The following DPYSL3 variants were observed in gnomAD, a reference collection of about 807,000 sequenced individuals.
DPYSL3 encodes the protein dihydropyrimidinase-related protein 3.
In DPYSL3, 16 loss-of-function variants were observed where a neutral mutation model predicts 66.1. The ratio of observed to expected loss-of-function variants is 0.24; its 90% confidence interval spans 0.16 to 0.37. DPYSL3 has a LOEUF of 0.37. Among genes scored for constraint, DPYSL3 ranks in the 10% least tolerant of loss-of-function variants. DPYSL3 has a pLI of 1.00. For missense variants in DPYSL3, 738 were observed against 916.2 expected, an observed-to-expected ratio of 0.81 and a Z score of 2.51; for synonymous variants, 338 against 345.1, an observed-to-expected ratio of 0.98 and a Z score of 0.23.
At chr5:147,421,249 A>T (rs1752071284) in intron 2 of DPYSL3, among the ~76,000 whole-genome samples, 1 of 152,192 alleles carries the variant, frequency 6.6e-6, no homozygotes, top group Non-Finnish European at 1.5e-5. Context: ...AATCATGAGC[A>T]AACTCCCATT....
chr5:147,501,031 G>A (rs1002797689), intron 1 of DPYSL3, among the ~76,000 whole-genome samples: 4 of 152,140 alleles, frequency 2.6e-5, no homozygotes, highest in Non-Finnish European at 5.9e-5. Flanking sequence ...AATGTTTATA[G>A]CAGCTTTATT....
intron 1 of DPYSL3, among the ~76,000 whole-genome samples, chr5:147,502,571 C>CTT (rs71001435): frequency 0.016 from 1,489 of 95,152 alleles, 8 homozygotes; most frequent in East Asian, 0.032. Context: ...CTTAATAATG[C>CTT]TTTTTTTTTT....
intron 1 of DPYSL3, among the ~76,000 whole-genome samples, chr5:147,460,439 G>A (rs1031192504): frequency 6.6e-6 from 1 of 152,192 alleles, no homozygotes; most frequent in Non-Finnish European, 1.5e-5. Flanking sequence ...AAAGGTCCAT[G>A]TCCTAATCCC....
intron 4 of DPYSL3, 44 bp downstream of exon 4, chr5:147,415,665 A>G (rs2152021627): frequency 1.9e-6 from 3 of 1,596,160 alleles, no homozygotes; most frequent in East Asian, 2.2e-5. Context: ...AGGACTGGCA[A>G]GAAGAAGCTA....
chr5:147,468,240 C>G (rs1259105703), intron 1 of DPYSL3, among the ~76,000 whole-genome samples: 1 of 152,106 alleles, frequency 6.6e-6, no homozygotes, highest in East Asian at 1.9e-4. Flanking sequence ...ACTCACTCAG[C>G]CTTAATTAAA....
At position 147,392,244 on chromosome 5, in the gene DPYSL3, G is replaced by C. The variant is rs1225113125; in HGVS notation, c.*1791C>G. 6.6e-6 allele frequency: 1 copy of C among 152,178 alleles called. No homozygotes were observed. The highest frequency in any genetic ancestry group is 1.5e-5 in the Non-Finnish European group (1 of 68,026). 9.4% of individuals were successfully genotyped at this position (152,178 alleles called of 1,614,324 possible). A position where few individuals can be genotyped will look rare whatever the true frequency, so the allele number is the denominator to read the frequency against. On this transcript the variant is annotated 3_prime_UTR_variant, in exon 14 of 14. Coordinates refer to ENST00000343218, the MANE Select transcript of DPYSL3 (RefSeq NM_001197294.2). ...CCCTTAAAAGAAAAGCACTACAAGA[G>C]CTTTAAAATAGCAAGCTTCCCTATT...
chr5:147,458,087 A>G (rs920628508), intron 1 of DPYSL3, among the ~76,000 whole-genome samples: 2 of 152,188 alleles, frequency 1.3e-5, no homozygotes, highest in East Asian at 3.9e-4. Context: ...AGGCGTGTTA[A>G]CCAGAGCAAC....
chr5:147,434,467 CT>C (rs1403705184), intron 1 of DPYSL3, among the ~76,000 whole-genome samples: 1 of 152,194 alleles, frequency 6.6e-6, no homozygotes, highest in Admixed American at 6.5e-5. Flanking sequence ...GCCCCTGGGC[CT>C]GTGCAAAAGC....
At chr5:147,500,332 G>C (rs990370566) in intron 1 of DPYSL3, among the ~76,000 whole-genome samples, 1 of 152,054 alleles carries the variant, frequency 6.6e-6, no homozygotes, top group Non-Finnish European at 1.5e-5. Flanking sequence ...CAATGATAAC[G>C]GCCAGGTGCG....
chr5:147,412,413 T>C (rs900221428), intron 6 of DPYSL3, among the ~76,000 whole-genome samples, 195 bp downstream of exon 6: 1 of 152,142 alleles, frequency 6.6e-6, no homozygotes, highest in Non-Finnish European at 1.5e-5. Context: ...CCTCATCTTC[T>C]AGTTTCATTG....
At chr5:147,437,989 T>G (rs1752444845) in intron 1 of DPYSL3, among the ~76,000 whole-genome samples, 1 of 152,212 alleles carries the variant, frequency 6.6e-6, no homozygotes, top group Admixed American at 6.5e-5. Flanking sequence ...TTTTCATTTC[T>G]TTTTAGGTTG....
chr5:147,446,939 T>C (rs910714418), intron 1 of DPYSL3, among the ~76,000 whole-genome samples: 2 of 151,684 alleles, frequency 1.3e-5, no homozygotes, highest in African/African-American at 4.8e-5. Flanking sequence ...CGGGAGGAGG[T>C]AGTCACCTGT....
intron 1 of DPYSL3, among the ~76,000 whole-genome samples, chr5:147,430,509 CAAAAAAAAAAA>C (rs555965885): frequency 1.0e-4 from 4 of 39,886 alleles, no homozygotes; most frequent in Non-Finnish European, 2.0e-4. Flanking sequence ...GACTCGGTCT[CAAAAAAAAAAA>C]AAAAGAAAAA....
intron 1 of DPYSL3, among the ~76,000 whole-genome samples, chr5:147,443,709 A>G (rs1752576959): frequency 1.3e-5 from 2 of 152,100 alleles, no homozygotes; most frequent in African/African-American, 4.8e-5. Flanking sequence ...CTTAAGATAT[A>G]TTTAAGAGAA....
intron 1 of DPYSL3, among the ~76,000 whole-genome samples, chr5:147,441,329 T>C (rs1752530358): frequency 6.6e-6 from 1 of 151,590 alleles, no homozygotes; most frequent in African/African-American, 2.4e-5. Flanking sequence ...CCTTGGTATA[T>C]AGATCAAACT....
chr5:147,417,411 T>C (rs375540008), intron 3 of DPYSL3, among the ~76,000 whole-genome samples: 7 of 152,292 alleles, frequency 4.6e-5, no homozygotes, highest in East Asian at 1.9e-4. Flanking sequence ...AGCTGGAGAA[T>C]TGCACCCTGA....
At chr5:147,437,186 T>C (rs1443375881) in intron 1 of DPYSL3, among the ~76,000 whole-genome samples, 1 of 152,232 alleles carries the variant, frequency 6.6e-6, no homozygotes, top group African/African-American at 2.4e-5. Flanking sequence ...CTCTCTCTTT[T>C]CATCTTTTCT....
chr5:147,481,888 T>G (rs1040189384), intron 1 of DPYSL3, among the ~76,000 whole-genome samples: 2 of 152,192 alleles, frequency 1.3e-5, no homozygotes, highest in African/African-American at 2.4e-5. Flanking sequence ...TCAGGTATTC[T>G]GTTATAGCAG....
chr5:147,455,630 A>T (rs1431671564), intron 1 of DPYSL3, among the ~76,000 whole-genome samples: 1 of 152,130 alleles, frequency 6.6e-6, no homozygotes, highest in East Asian at 1.9e-4. Flanking sequence ...TTAACTACAT[A>T]CTATGGAAAC....
Sources: allele counts gnomAD v4.1 joint callset (sites outside exome capture counted in the v4.1 genomes callset), GRCh38; gene constraint gnomAD v4.1.1; transcripts MANE v1.5; gene names NCBI Gene and HGNC (gene_info 2026-07-23, HGNC 2026-07-21).